EXT2: variants seen among roughly 807,000 people sequenced by gnomAD.
EXT2 encodes the protein exostosin-2.
In EXT2, 53 loss-of-function variants were observed where a neutral mutation model predicts 81.6. The ratio of observed to expected loss-of-function variants is 0.65; its 90% CI spans 0.52 to 0.82. The LOEUF is 0.82. EXT2 is among the 40% of genes least tolerant of loss of function. EXT2 has a pLI of 0.00. For missense variants in EXT2, 774 were observed against 910.2 expected (o/e 0.85, Z 1.93); for synonymous variants, 320 against 340.0 (o/e 0.94, Z 0.65).
intron 8 of EXT2, among the ~76,000 whole-genome samples, chr11:44,188,775 TATG>T (rs1955351767): frequency 6.6e-6 from 1 of 151,820 alleles, no homozygotes; most frequent in Non-Finnish European, 1.5e-5. Context: ...AGGTGGAAAA[TATG>T]AAGAAGTGAA....
chr11:44,150,302 CT>C (rs5791609), intron 7 of EXT2, among the ~76,000 whole-genome samples: 137,689 of 152,032 alleles, frequency 0.91, 62,494 homozygotes, highest in East Asian at 0.99. Context: ...AATATTAAAA[CT>C]TTTTTTTTCC....
chr11:44,251,798 AT>A lies in EXT2; in HGVS notation c.*7513del, dbSNP rs1242727424. 6.6e-6 allele frequency among the ~76,000 whole-genome samples: 1 copy of A among 152,224 alleles called. No homozygotes were observed. Among genetic ancestry groups the A allele is most frequent in the African/African-American group, 2.4e-5 (1 of 41,456 alleles). ...GGGTTCCTTCAGTCAACAAATACTTATTGAGCAGTTATTGTGTGCCAGATAC... is the reference window on the plus strand; with the variant it reads ...GGGTTCCTTCAGTCAACAAATACTTATGAGCAGTTATTGTGTGCCAGATAC... On this transcript the variant is annotated 3_prime_UTR_variant, in exon 14 of 14. Coordinates refer to ENST00000533608, the MANE Select transcript of EXT2 (RefSeq NM_207122.2).
Position 44,126,782 on chromosome 11 carries a change from G to A in EXT2, c.940-34G>A, listed in dbSNP as rs371009108. ...CAAAGTTAGTGGATCAGCAAAACTA[G>A]TTTGTAATCTCTTGCCTCTTTGTGT... is the stretch of plus-strand genomic sequence containing the variant. On this transcript the variant is annotated intron_variant, in intron 5 of 13. Coordinates refer to ENST00000533608, the MANE Select transcript of EXT2 (RefSeq NM_207122.2). 8 of 1,613,970 alleles carry A rather than the reference G, an allele frequency of 5.0e-6. No homozygotes were observed. The African/African-American group carries it at 9.3e-5, about 19-fold the overall frequency.
chr11:44,213,525 A>G (rs1280650411), intron 10 of EXT2, among the ~76,000 whole-genome samples: 1 of 152,228 alleles, frequency 6.6e-6, no homozygotes, highest in Non-Finnish European at 1.5e-5. Flanking sequence ...TTCAGTAAAA[A>G]GACAGAAGAT....
At chr11:44,240,399 C>G (rs376682197) in intron 13 of EXT2, among the ~76,000 whole-genome samples, 2 of 152,096 alleles carry the variant, frequency 1.3e-5, no homozygotes, top group African/African-American at 2.4e-5. Context: ...TGGTACCTTA[C>G]AAAAATAATA....
Position 44,115,280 on chromosome 11 carries a change from G to A in EXT2, c.743+979G>A, listed in dbSNP as rs1218819498. Among the ~76,000 whole-genome samples, 3 of 152,156 alleles carry A rather than the reference G, an allele frequency of 2.0e-5. No homozygotes were observed. In the South Asian group the frequency reaches 6.2e-4, roughly 32 times the overall value. On this transcript the variant is annotated intron_variant, in intron 4 of 13. Coordinates refer to ENST00000533608, the MANE Select transcript of EXT2 (RefSeq NM_207122.2). Reference sequence around the variant, plus strand: ...ATGTTGCCCAGGCTAGATTCAAATTGTTGGGCTCAAGTGACCCTCCTGCCT... The same window carrying A: ...ATGTTGCCCAGGCTAGATTCAAATTATTGGGCTCAAGTGACCCTCCTGCCT...
intron 7 of EXT2, among the ~76,000 whole-genome samples, chr11:44,151,242 T>A (rs1167668718): frequency 1.3e-5 from 2 of 152,190 alleles, no homozygotes; most frequent in East Asian, 3.9e-4. Context: ...GGCACATCAT[T>A]ATCACATGAA....
chr11:44,204,221 C>T (rs1662702804), intron 9 of EXT2, among the ~76,000 whole-genome samples: 1 of 152,108 alleles, frequency 6.6e-6, no homozygotes, highest in Non-Finnish European at 1.5e-5. Context: ...TTCTCTTTCC[C>T]ACTTCTTTTA....
Position 44,187,521 on chromosome 11 carries a change from T to G in EXT2, c.1306-10308T>G, listed in dbSNP as rs148174422. On this transcript the variant is annotated intron_variant, in intron 8 of 13. Coordinates refer to ENST00000533608, the MANE Select transcript of EXT2 (RefSeq NM_207122.2). ...TGAGGATACTTATTTCAGAGAACTA[T>G]TCTAAGAAATTAATGATATACATGG... Among the ~76,000 whole-genome samples, 1,309 of 152,322 alleles carry G rather than the reference T, an allele frequency of 8.6e-3. 25 individuals carry two copies. The highest frequency in any genetic ancestry group is 0.029 in the African/African-American group (1,220 of 41,562).
rs1288645817 is a variant in EXT2, at chr11:44,127,184, T to C, written c.1079+229T>C. Among the ~76,000 whole-genome samples the C allele has an allele frequency of 2.6e-5, 4 of 152,244 alleles. No homozygotes were observed. The South Asian group carries it at 6.2e-4, about 24-fold the overall frequency. The stretch of plus-strand genomic sequence containing the variant: ...CAAGTTTTATTGAAACACAGCCGTG[T>C]CCCTTCCTTTACGTATAGTCTGGCT... On this transcript the variant is annotated intron_variant, in intron 6 of 13. Transcript: ENST00000533608.
At chr11:44,177,870 G>A (rs747156274) in intron 8 of EXT2, among the ~76,000 whole-genome samples, 1 of 152,102 alleles carries the variant, frequency 6.6e-6, no homozygotes, top group Non-Finnish European at 1.5e-5. Flanking sequence ...TGAGAAAAAT[G>A]GGGAAGCATC....
chr11:44,096,326 G>A lies in EXT2; in HGVS notation c.-31+474G>A, dbSNP rs112082531. 0.028 allele frequency: 42,467 copies of A among 1,535,772 alleles called. 713 individuals carry two copies. The highest frequency in any genetic ancestry group is 0.032 in the Non-Finnish European group (36,590 of 1,146,694). On this transcript the variant is annotated intron_variant, in intron 1 of 13. Transcript: ENST00000533608. ...TGCCAGAAGCCGTGGGACGAGGTAG[G>A]GAAGGGGCCAGGGGCATGTTATGCC...
At chr11:44,186,788 A>C (rs1191953569) in intron 8 of EXT2, among the ~76,000 whole-genome samples, 1 of 152,184 alleles carries the variant, frequency 6.6e-6, no homozygotes, top group Non-Finnish European at 1.5e-5. Context: ...CTCTCTTTGC[A>C]ACAATTTGCC....
At chr11:44,131,934 C>T (rs1395085337) in intron 7 of EXT2, among the ~76,000 whole-genome samples, 4 of 152,154 alleles carry the variant, frequency 2.6e-5, no homozygotes, top group Non-Finnish European at 4.4e-5. Flanking sequence ...GACAGGATTT[C>T]ACCATGTTGG....
At chr11:44,183,576 G>C (rs1437041147) in intron 8 of EXT2, among the ~76,000 whole-genome samples, 1 of 150,800 alleles carries the variant, frequency 6.6e-6, no homozygotes. Flanking sequence ...TCTTTGTTAG[G>C]CCTTTTATTC....
rs1424379146 is a variant in EXT2, at chr11:44,248,993, TG to T, written c.*4707del. 1.2e-3 allele frequency among the ~76,000 whole-genome samples: 181 copies of T among 152,166 alleles called. No individual in the cohort carries two copies. Among genetic ancestry groups the T allele is most frequent in the African/African-American group, 4.3e-3 (178 of 41,492 alleles). On this transcript the variant is annotated 3_prime_UTR_variant, in exon 14 of 14. Coordinates refer to ENST00000533608, the MANE Select transcript of EXT2 (RefSeq NM_207122.2). ...TTTTGTTTGTTTGTTTGTTTGTTTT[TG>T]TTTTTTTTGTTTTTTCTTTGGAAAC...
rs1358818964 is a variant in EXT2, at chr11:44,244,990, T to C, written c.*703T>C. The C allele has an allele frequency of 8.6e-6, 2 of 232,194 alleles. No individual in the cohort carries two copies. The highest frequency in any genetic ancestry group is 1.7e-5 in the Non-Finnish European group (2 of 117,496). 14.4% of individuals were successfully genotyped at this position (232,194 alleles called of 1,614,324 possible). On this transcript the variant is annotated 3_prime_UTR_variant, in exon 14 of 14. Transcript: ENST00000533608. ...CCAAGGAACCACCTTTCTCCCTTGA[T>C]ATATTTAACTCCGTCTTTGGCCTGA...
chr11:44,146,412 CT>C (rs1331743681), intron 7 of EXT2, among the ~76,000 whole-genome samples: 4 of 152,186 alleles, frequency 2.6e-5, no homozygotes, highest in Admixed American at 6.5e-5. Context: ...AAGGGTTTTG[CT>C]TCTGACTGGA....
rs374471619 is a variant in EXT2, at chr11:44,141,839, C to A, written c.1173+11701C>A. Among the ~76,000 whole-genome samples the A allele has an allele frequency of 1.6e-4, 24 of 152,278 alleles. No individual in the cohort carries two copies. The South Asian group carries it at 4.8e-3, about 30-fold the overall frequency. On this transcript the variant is annotated intron_variant, in intron 7 of 13. Coordinates refer to ENST00000533608, the MANE Select transcript of EXT2 (RefSeq NM_207122.2). ...GTAAGAAATCTCTGATTACTTGGGGCTGGTTTCCCACAGGGTGGGACTATT... is the reference window on the plus strand; with the variant it reads ...GTAAGAAATCTCTGATTACTTGGGGATGGTTTCCCACAGGGTGGGACTATT...
Sources: gnomAD v4.1 joint callset for allele counts (sites outside exome capture counted in the v4.1 genomes callset) on GRCh38, gnomAD v4.1.1 for gene constraint, MANE v1.5 for transcripts, NCBI Gene and HGNC (gene_info 2026-07-23, HGNC 2026-07-21) for gene names.